The following NWD2 variants were observed in gnomAD, a reference collection of about 807,000 sequenced individuals.
NWD2 encodes the protein NACHT and WD repeat domain-containing protein 2.
NWD2 carries 37 observed loss-of-function variants against 132.7 expected under a neutral mutation model. The observed-to-expected ratio is 0.28, with a 90% confidence interval of 0.21 to 0.37. NWD2 has a LOEUF of 0.37. NWD2 is among the 10% of genes least tolerant of loss of function. The pLI is 1.00. For synonymous variants in NWD2, 705 were observed against 803.0 expected (o/e 0.88, Z 2.06); for missense variants, 1,592 against 2,122.4 (o/e 0.75, Z 4.91).
In NWD2 at chr4:37,444,398, G is replaced by C. The variant is rs944582294; in HGVS notation, c.2410G>C (p.Ala804Pro). Residue 804 changes from alanine (A) to proline (P), a missense_variant, in exon 7 of 7, where the codon GCT becomes CCT. Ala to Pro is a conservative substitution (Grantham distance 27, BLOSUM62 -1). Coordinates refer to ENST00000309447, the MANE Select transcript of NWD2 (RefSeq NM_001144990.2). The surrounding 1 kb of genome is among the most constrained non-coding windows in gnomAD (Gnocchi z 4.8). Reference protein sequence around the residue: ...LEEEKHFMEQASFDRQAPDQP... With the variant: ...LEEEKHFMEQPSFDRQAPDQP... ...GGAAGAAAAGCACTTCATGGAACAG[G>C]CTTCCTTTGACAGGCAGGCTCCAGA... 1 of 1,552,024 alleles carries C rather than the reference G, an allele frequency of 6.4e-7. No individual in the cohort carries two copies. The highest frequency in any genetic ancestry group is 1.4e-5 in the African/African-American group (1 of 73,018).
chr4:37,402,317 A>C (rs1720910890), intron 3 of NWD2, among the ~76,000 whole-genome samples: 1 of 152,234 alleles, frequency 6.6e-6, no homozygotes. Context: ...CACCTATTTT[A>C]TGCTTTCATT....
chr4:37,434,174 T>C (rs1712252890), intron 5 of NWD2, among the ~76,000 whole-genome samples, 154 bp downstream of exon 5: 1 of 152,212 alleles, frequency 6.6e-6, no homozygotes, highest in Admixed American at 6.5e-5. Flanking sequence ...GCAAATGTTC[T>C]TTTGTTTTAA....
chr4:37,326,173 A>T (rs2109287839), intron 2 of NWD2, 149 bp downstream of exon 2: 2 of 579,294 alleles, frequency 3.5e-6, no homozygotes, highest in East Asian at 6.0e-5. Flanking sequence ...ACACTGACAA[A>T]TGGAAATAAA....
chr4:37,404,226 A>G (rs1410017125), intron 3 of NWD2, among the ~76,000 whole-genome samples: 1 of 152,240 alleles, frequency 6.6e-6, no homozygotes, highest in East Asian at 1.9e-4. Flanking sequence ...GAATAACAGT[A>G]TCTAACTTAC....
chr4:37,411,718 C>T (rs1013145775), intron 3 of NWD2, among the ~76,000 whole-genome samples: 75 of 152,184 alleles, frequency 4.9e-4, no homozygotes, highest in African/African-American at 1.7e-3. Context: ...TGATGAACAT[C>T]GATGCAAAAA....
At chr4:37,354,760 A>G (rs1177388148) in intron 2 of NWD2, among the ~76,000 whole-genome samples, 2 of 152,210 alleles carry the variant, frequency 1.3e-5, no homozygotes, top group Non-Finnish European at 2.9e-5. Flanking sequence ...TTTGTATTCT[A>G]AGACATTAGA....
At chr4:37,363,845 C>T (rs776601706) in intron 3 of NWD2, among the ~76,000 whole-genome samples, 45 of 151,998 alleles carry the variant, frequency 3.0e-4, no homozygotes, top group Non-Finnish European at 2.8e-4. Flanking sequence ...AGCAGACGGC[C>T]GGGCGCAGTG....
intron 3 of NWD2, among the ~76,000 whole-genome samples, 159 bp from the exon 4 acceptor site, chr4:37,430,413 T>G (rs1177242103): frequency 6.6e-6 from 1 of 152,232 alleles, no homozygotes; most frequent in Non-Finnish European, 1.5e-5. Context: ...CTAATTTTAC[T>G]TAGGAAATCA....
At chr4:37,330,010 A>G (rs58969856) in intron 2 of NWD2, among the ~76,000 whole-genome samples, 23,474 of 152,204 alleles carry the variant, frequency 0.15, 2,311 homozygotes, top group South Asian at 0.32. Flanking sequence ...CATTTAGTTC[A>G]GTCTTTATTC....
At chr4:37,406,471 G>T (rs2376758) in intron 3 of NWD2, among the ~76,000 whole-genome samples, 5 of 152,236 alleles carry the variant, frequency 3.3e-5, no homozygotes, top group Non-Finnish European at 5.9e-5. Flanking sequence ...TCATTCTACT[G>T]TACTATAAAG....
Position 37,448,588 on chromosome 4 carries a change from G to T in NWD2, c.*1371G>T, listed in dbSNP as rs1237040631. ...ATGTCCTTGGATAACTTTTCAAAAG[G>T]TATCCACACTTTTGGTTGAGTTTAG... is the stretch of plus-strand genomic sequence containing the variant. On this transcript the variant is annotated 3_prime_UTR_variant, in exon 7 of 7. Transcript: ENST00000309447. 6.6e-6 allele frequency: 1 copy of T among 152,126 alleles called. No homozygotes were observed. The highest frequency in any genetic ancestry group is 6.5e-5 in the Admixed American group (1 of 15,282). The allele number at this position is 152,126 out of a possible 1,614,324, so 9.4% of individuals were successfully genotyped here. A position where few individuals can be genotyped will look rare whatever the true frequency, so the allele number is the denominator to read the frequency against.
intron 1 of NWD2, among the ~76,000 whole-genome samples, chr4:37,281,893 A>G (rs1718137195): frequency 6.6e-6 from 1 of 152,218 alleles, no homozygotes. Flanking sequence ...TACACAAACA[A>G]TAACACTCTA....
intron 1 of NWD2, among the ~76,000 whole-genome samples, chr4:37,280,526 G>T (rs1718106955): frequency 6.6e-6 from 1 of 152,078 alleles, no homozygotes; most frequent in South Asian, 2.1e-4. Flanking sequence ...GCAGACTCCT[G>T]CTGGGAATCA....
chr4:37,251,430 G>A (rs1238967356), intron 1 of NWD2, among the ~76,000 whole-genome samples: 1 of 152,184 alleles, frequency 6.6e-6, no homozygotes, highest in African/African-American at 2.4e-5. Context: ...GGAATTAGGT[G>A]CTTCCAAAAA....
At chr4:37,298,401 C>G (rs750585686) in intron 1 of NWD2, among the ~76,000 whole-genome samples, 3 of 152,150 alleles carry the variant, frequency 2.0e-5, no homozygotes, top group African/African-American at 7.2e-5. Flanking sequence ...TTCTGGTATA[C>G]AATTATTTAT....
At chr4:37,252,352 T>TA (rs1203696144) in intron 1 of NWD2, among the ~76,000 whole-genome samples, 1 of 152,218 alleles carries the variant, frequency 6.6e-6, no homozygotes, top group Non-Finnish European at 1.5e-5. Context: ...CTTTGCAGTT[T>TA]AAAAAAATCA....
intron 1 of NWD2, among the ~76,000 whole-genome samples, chr4:37,316,088 AT>A (rs1280870693): frequency 6.6e-6 from 1 of 152,036 alleles, no homozygotes; most frequent in Non-Finnish European, 1.5e-5. Context: ...ATACTTACAT[AT>A]TTACCTTTTC....
chr4:37,436,148 A>G (rs1164552439), intron 5 of NWD2, among the ~76,000 whole-genome samples: 1 of 152,192 alleles, frequency 6.6e-6, no homozygotes, highest in Non-Finnish European at 1.5e-5. Context: ...TCTCATGGAT[A>G]ATAGTTACCA....
At chr4:37,312,098 A>T (rs1237562842) in intron 1 of NWD2, among the ~76,000 whole-genome samples, 5 of 151,510 alleles carry the variant, frequency 3.3e-5, no homozygotes, top group South Asian at 4.2e-4. Context: ...CTTAGGATTG[A>T]CTTGGCGATG....
Sources: allele counts gnomAD v4.1 joint callset (sites outside exome capture counted in the v4.1 genomes callset), GRCh38; gene constraint gnomAD v4.1.1; non-coding constraint Gnocchi (gnomAD v3.1); transcripts MANE v1.5; gene names NCBI Gene and HGNC (gene_info 2026-07-23, HGNC 2026-07-21).